KIRREL3: variants seen among roughly 807,000 people sequenced by gnomAD.
KIRREL3 encodes kirre like nephrin family adhesion molecule 3.
In KIRREL3, 36 loss-of-function variants were observed where a neutral mutation model predicts 89.7. That is an observed-to-expected ratio of 0.40 (90% CI 0.31 to 0.53). The LOEUF is 0.53. Ranked by LOEUF, KIRREL3 falls within the 20% of genes least tolerant of loss-of-function variation. KIRREL3 has a pLI of 0.49. For missense variants in KIRREL3, 864 were observed against 1,056.6 expected (o/e 0.82, Z 2.53); for synonymous variants, 445 against 441.4 (o/e 1.01, Z -0.10).
At chr11:126,916,391 C>A (rs577879717) in intron 1 of KIRREL3, among the ~76,000 whole-genome samples, 1 of 152,086 alleles carries the variant, frequency 6.6e-6, no homozygotes, top group East Asian at 1.9e-4. Flanking sequence ...AAGGGTGGGC[C>A]GCCAGAATCT....
chr11:126,478,857 A>G (rs1269899948), intron 4 of KIRREL3, among the ~76,000 whole-genome samples: 1 of 152,066 alleles, frequency 6.6e-6, no homozygotes, highest in Non-Finnish European at 1.5e-5. Context: ...GGAGGAGGGC[A>G]AAGCAGGAGC....
rs1945799499 is a variant in KIRREL3, at chr11:126,668,745, CTTTCT to C, written c.56-105838_56-105834del. Among the ~76,000 whole-genome samples, 1 of 130,212 alleles carries C rather than the reference CTTTCT, an allele frequency of 7.7e-6. No homozygotes were observed. Among genetic ancestry groups the C allele is most frequent in the Non-Finnish European group, 1.7e-5 (1 of 58,212 alleles). The allele number at this position is 130,212 out of a possible 152,430, so 85.4% of individuals were successfully genotyped here. A position where few individuals can be genotyped will look rare whatever the true frequency, so the allele number is the denominator to read the frequency against. On this transcript the variant is annotated intron_variant, in intron 1 of 16. Transcript: ENST00000525144. The surrounding 1 kb of genome is among the most constrained non-coding windows in gnomAD (Gnocchi z 4.4). The stretch of plus-strand genomic sequence containing the variant: ...TCTTTCTTTCTTTCTTTCTTTCTTT[CTTTCT>C]TTCTTTTTTCTCTTTCTTTCTTTCA...
intron 1 of KIRREL3, among the ~76,000 whole-genome samples, chr11:126,787,796 G>A (rs766408489): frequency 6.6e-6 from 1 of 152,190 alleles, no homozygotes; most frequent in Non-Finnish European, 1.5e-5. Flanking sequence ...TGCCTTAGAA[G>A]GGAACACTCC....
intron 1 of KIRREL3, among the ~76,000 whole-genome samples, chr11:126,913,756 T>C (rs1946921211): frequency 6.6e-6 from 1 of 152,190 alleles, no homozygotes; most frequent in African/African-American, 2.4e-5. Flanking sequence ...TCAAGTCTGC[T>C]TGGAAAGAGA....
intron 2 of KIRREL3, among the ~76,000 whole-genome samples, chr11:126,560,534 C>T (rs1007880685): frequency 1.3e-5 from 2 of 152,278 alleles, no homozygotes; most frequent in African/African-American, 4.8e-5. Flanking sequence ...CATTATTTTC[C>T]TCTTGCTCCT....
rs1944958591 is a variant in KIRREL3 at position 126,867,302 on chromosome 11, A to C, written c.55+133153T>G. Among the ~76,000 whole-genome samples, 2 of 151,838 alleles carry C rather than the reference A, an allele frequency of 1.3e-5. No homozygotes were observed. Among genetic ancestry groups the C allele is most frequent in the African/African-American group, 4.8e-5 (2 of 41,296 alleles). ...GCAGGTCTTCAGGACCTGTGCTGGG[A>C]CTCTCCTCTCATTACCTGCACTCCA... On this transcript the variant is annotated intron_variant, in intron 1 of 16. Transcript: ENST00000525144. This position sits in a 1 kb window ranked among gnomAD's most constrained non-coding sequence, Gnocchi z 4.7.
chr11:126,473,102 C>CCCAACCAGCCCCCCCACCA (rs1565482899), intron 5 of KIRREL3, among the ~76,000 whole-genome samples: 2 of 43,644 alleles, frequency 4.6e-5, no homozygotes, highest in African/African-American at 1.8e-4. Context: ...CCCAGCCCCT[C>CCCAACCAGCCCCCCCACCA]TCCTCTTAGG....
rs752165285 is a variant in KIRREL3, at chr11:126,897,731, A to T, written c.55+102724T>A. ...TCATCTCCAGTTTCGGACGAGCAGC[A>T]GTACAACATGCAGCAGCAAAAGCCC... On this transcript the variant is annotated intron_variant, in intron 1 of 16. Coordinates refer to ENST00000525144, the MANE Select transcript of KIRREL3 (RefSeq NM_032531.4). The surrounding 1 kb of genome is among the most constrained non-coding windows in gnomAD (Gnocchi z 4.2). Among the ~76,000 whole-genome samples the T allele has an allele frequency of 5.2e-4, 79 of 152,372 alleles. No individual in the cohort carries two copies. Among genetic ancestry groups the T allele is most frequent in the Middle Eastern group, 3.4e-3 (1 of 294 alleles).
rs1471129680 is a variant in KIRREL3 at position 126,946,692 on chromosome 11, T to G, written c.55+53763A>C. On this transcript the variant is annotated intron_variant, in intron 1 of 16. Transcript: ENST00000525144. The surrounding 1 kb of genome is among the most constrained non-coding windows in gnomAD (Gnocchi z 4.1). ...AAATGGCTGCAAAAAATTCAATGCT[T>G]GGATATCCTAATAACAGGTGTAATA... is the stretch of plus-strand genomic sequence containing the variant. 6.6e-6 allele frequency among the ~76,000 whole-genome samples: 1 copy of G among 152,214 alleles called. No individual in the cohort carries two copies. Among genetic ancestry groups the G allele is most frequent in the East Asian group, 1.9e-4 (1 of 5,194 alleles).
At position 126,521,216 on chromosome 11, in the gene KIRREL3, A is replaced by T; in HGVS notation, c.433+99T>A. On this transcript the variant is annotated intron_variant, in intron 4 of 16. Transcript: ENST00000525144. The surrounding 1 kb of genome is among the most constrained non-coding windows in gnomAD (Gnocchi z 4.1). The stretch of plus-strand genomic sequence containing the variant: ...TGGAGCCCTGTGGGATGATCCCCAG[A>T]GGGGAGTCTCCCCATGTCTGACCAA... The T allele has an allele frequency of 7.9e-7, 1 of 1,273,886 alleles. No homozygotes were observed. Among genetic ancestry groups the T allele is most frequent in the Non-Finnish European group, 1.0e-6 (1 of 961,322 alleles). 78.9% of individuals were successfully genotyped at this position (1,273,886 alleles called of 1,614,324 possible). A position where few individuals can be genotyped will look rare whatever the true frequency, so the allele number is the denominator to read the frequency against.
rs1947434253 is a variant in KIRREL3, at chr11:126,704,424, A to G, written c.56-141512T>C. ...AGAACAGAGGCTTGCAAAAGACTGCAGCAACCAGCCCCAGCTGGCTGTAGG... is the reference window on the plus strand; with the variant it reads ...AGAACAGAGGCTTGCAAAAGACTGCGGCAACCAGCCCCAGCTGGCTGTAGG... On this transcript the variant is annotated intron_variant, in intron 1 of 16. Transcript: ENST00000525144. This position sits in a 1 kb window ranked among gnomAD's most constrained non-coding sequence, Gnocchi z 4.2. Among the ~76,000 whole-genome samples the G allele has an allele frequency of 6.6e-6, 1 of 152,210 alleles. No homozygotes were observed. The highest frequency in any genetic ancestry group is 2.4e-5 in the African/African-American group (1 of 41,448).
intron 5 of KIRREL3, among the ~76,000 whole-genome samples, chr11:126,469,785 A>T (rs1227666569): frequency 6.6e-6 from 1 of 152,208 alleles, no homozygotes; most frequent in Admixed American, 6.5e-5. Flanking sequence ...ATGTCCAGGG[A>T]CACATTGAGG....
At chr11:126,786,010 T>G (rs1180857965) in intron 1 of KIRREL3, among the ~76,000 whole-genome samples, 1 of 151,940 alleles carries the variant, frequency 6.6e-6, no homozygotes, top group Non-Finnish European at 1.5e-5. Flanking sequence ...GTGATGTCAC[T>G]TTTGTCAACC....
chr11:126,779,614 T>G (rs1276693190), intron 1 of KIRREL3, among the ~76,000 whole-genome samples: 2 of 152,152 alleles, frequency 1.3e-5, no homozygotes, highest in African/African-American at 4.8e-5. Context: ...ATTTTAAAAT[T>G]TATGTCCATA....
In KIRREL3 at chr11:126,515,948, T is replaced by C. The variant is rs895407645; in HGVS notation, c.433+5367A>G. ...TCTGCCTTCCTTTGCTGGCAGACTC[T>C]GAGTTATTCACCACTGTTCTCTGGA... On this transcript the variant is annotated intron_variant, in intron 4 of 16. Transcript: ENST00000525144. The surrounding 1 kb of genome is among the most constrained non-coding windows in gnomAD (Gnocchi z 4.2). 6.6e-6 allele frequency among the ~76,000 whole-genome samples: 1 copy of C among 152,180 alleles called. No homozygotes were observed. Among genetic ancestry groups the C allele is most frequent in the African/African-American group, 2.4e-5 (1 of 41,446 alleles).
intron 1 of KIRREL3, among the ~76,000 whole-genome samples, chr11:126,762,533 AG>A (rs1222449046): frequency 6.6e-6 from 1 of 152,216 alleles, no homozygotes; most frequent in African/African-American, 2.4e-5. Context: ...GGTGAGCAGA[AG>A]GGCTGTGTAA....
chr11:126,633,114 T>G (rs1944115285), intron 1 of KIRREL3, among the ~76,000 whole-genome samples: 1 of 152,064 alleles, frequency 6.6e-6, no homozygotes, highest in African/African-American at 2.4e-5. Context: ...AATCATTCTC[T>G]ATTAAAATCC....
Position 126,624,207 on chromosome 11 carries a change from T to G in KIRREL3, c.56-61295A>C, listed in dbSNP as rs1327738799. On this transcript the variant is annotated intron_variant, in intron 1 of 16. Transcript: ENST00000525144. This position sits in a 1 kb window ranked among gnomAD's most constrained non-coding sequence, Gnocchi z 6.0. ...AATACAGGGAGCCAGGGGGTGGCGGTGTGGCGGGGAGGAGGCCAGAATGAA... is the reference window on the plus strand; with the variant it reads ...AATACAGGGAGCCAGGGGGTGGCGGGGTGGCGGGGAGGAGGCCAGAATGAA... Among the ~76,000 whole-genome samples the G allele has an allele frequency of 6.6e-6, 1 of 152,048 alleles. No individual in the cohort carries two copies. Among genetic ancestry groups the G allele is most frequent in the Non-Finnish European group, 1.5e-5 (1 of 67,998 alleles).
At chr11:126,823,333 C>T (rs1424963034) in intron 1 of KIRREL3, among the ~76,000 whole-genome samples, 1 of 152,200 alleles carries the variant, frequency 6.6e-6, no homozygotes, top group Non-Finnish European at 1.5e-5. Context: ...AGTTGCTCAT[C>T]TAACCTCCAG....
Sources: gnomAD v4.1 joint callset for allele counts (sites outside exome capture counted in the v4.1 genomes callset) on GRCh38, gnomAD v4.1.1 for gene constraint, Gnocchi (gnomAD v3.1) non-coding constraint, MANE v1.5 for transcripts, NCBI Gene and HGNC (gene_info 2026-07-23, HGNC 2026-07-21) for gene names.